The following MYO5A variants were observed in gnomAD, a reference collection of about 807,000 sequenced individuals.
The protein encoded by MYO5A is myosin VA.
MYO5A carries 98 observed loss-of-function variants against 249.7 expected under a neutral mutation model. That is an observed-to-expected ratio of 0.39 (90% CI 0.33 to 0.46). MYO5A has a LOEUF of 0.46. Among genes scored for constraint, MYO5A ranks in the 20% least tolerant of loss-of-function variants. The pLI is 0.98. For missense variants in MYO5A, 1,696 were observed against 2,308.8 expected (o/e 0.73, Z 5.44); for synonymous variants, 778 against 810.6 (o/e 0.96, Z 0.68).
intron 41 of MYO5A, 32 bp from the exon 42 acceptor site, chr15:52,313,880 C>T: frequency 6.2e-7 from 1 of 1,611,810 alleles, no homozygotes; most frequent in Non-Finnish European, 8.5e-7. Context: ...ATAAACAGAG[C>T]ATCAGTTCTT....
chr15:52,318,966 G>C, intron 39 of MYO5A, 94 bp downstream of exon 39: 2 of 1,466,658 alleles, frequency 1.4e-6, no homozygotes, highest in South Asian at 1.2e-5. Flanking sequence ...GACATGAGAT[G>C]CAAGAACTGA....
rs543842886 is a variant in MYO5A at position 52,389,222 on chromosome 15, T to A, written c.1668+16A>T. ...TTAAGTATTCAAAAAGAAAAACTGATATAAAGCTTCCTTACTTTGTCAGCA... is the reference window on the plus strand; with the variant it reads ...TTAAGTATTCAAAAAGAAAAACTGAAATAAAGCTTCCTTACTTTGTCAGCA... On this transcript the variant is annotated intron_variant, in intron 13 of 41. Transcript: ENST00000399233. 1.2e-6 allele frequency: 2 copies of A among 1,610,834 alleles called. No homozygotes were observed. The highest frequency in any genetic ancestry group is 4.5e-5 in the East Asian group (2 of 44,768).
At chr15:52,419,827 A>G (rs561120366) in intron 4 of MYO5A, among the ~76,000 whole-genome samples, 10 of 152,352 alleles carry the variant, frequency 6.6e-5, no homozygotes, top group Admixed American at 3.3e-4. Context: ...ATATTTGTTT[A>G]TAACTTTTAC....
At chr15:52,450,865 T>TTTTTTTTTTG (rs1555454735) in intron 1 of MYO5A, among the ~76,000 whole-genome samples, 1 of 90,918 alleles carries the variant, frequency 1.1e-5, no homozygotes, top group African/African-American at 5.3e-5. Context: ...TTTTTTTTTT[T>TTTTTTTTTTG]GTGACAGGGT....
intron 1 of MYO5A, chr15:52,505,076 C>T (rs1377972893): frequency 3.5e-6 from 2 of 564,234 alleles, no homozygotes; most frequent in East Asian, 6.2e-5. Flanking sequence ...TAAGACAGGC[C>T]CATTTTATTA....
chr15:52,340,767 C>A (rs376906656), intron 31 of MYO5A, among the ~76,000 whole-genome samples: 1 of 151,814 alleles, frequency 6.6e-6, no homozygotes, highest in African/African-American at 2.4e-5. Context: ...GCCAACATAG[C>A]GAAACCCCAT....
Position 52,340,259 on chromosome 15 carries a change from G to C in MYO5A, c.4176C>G (p.Pro1392=). The C allele has an allele frequency of 1.2e-6, 2 of 1,614,038 alleles. No individual in the cohort carries two copies. The highest frequency in any genetic ancestry group is 1.7e-6 in the Non-Finnish European group (2 of 1,180,026). The change falls in exon 32 of 42, where the codon CCC becomes CCG. Residue 1392 remains proline, a synonymous_variant. Transcript: ENST00000399233. ...GGCTGGCCTCAATGCGGGCCTCTGGGGGCAGCTGCAGGTTCTGGGCCAGCA... is the reference window on the plus strand; with the variant it reads ...GGCTGGCCTCAATGCGGGCCTCTGGCGGCAGCTGCAGGTTCTGGGCCAGCA... ...QQLLAQNLQL[P]PEARIEASLQ...
At chr15:52,396,975 C>CT (rs1377741453) in intron 10 of MYO5A, among the ~76,000 whole-genome samples, 1 of 152,196 alleles carries the variant, frequency 6.6e-6, no homozygotes, top group African/African-American at 2.4e-5. Context: ...AGTCTATGCA[C>CT]TAGCTAAGTA....
chr15:52,376,964 C>T (rs2041448449), intron 18 of MYO5A, among the ~76,000 whole-genome samples: 1 of 152,068 alleles, frequency 6.6e-6, no homozygotes, highest in Non-Finnish European at 1.5e-5. Context: ...ACAAAAACAC[C>T]AGTGTGAAGA....
chr15:52,348,002 C>T (rs777665861), intron 29 of MYO5A, among the ~76,000 whole-genome samples: 33 of 152,186 alleles, frequency 2.2e-4, no homozygotes, highest in Non-Finnish European at 4.3e-4. Context: ...TCAGGACTTA[C>T]ATGGTATGGT....
chr15:52,503,297 C>T (rs1450241161), intron 1 of MYO5A, among the ~76,000 whole-genome samples: 2 of 152,084 alleles, frequency 1.3e-5, no homozygotes, highest in Non-Finnish European at 2.9e-5. Flanking sequence ...ACATTACCCG[C>T]AAAATATGTA....
At chr15:52,470,543 G>A (rs1027566952) in intron 1 of MYO5A, among the ~76,000 whole-genome samples, 16 of 152,174 alleles carry the variant, frequency 1.1e-4, no homozygotes, top group South Asian at 8.3e-4. Flanking sequence ...CCAGCTACTC[G>A]GGAGGCTGAG....
At chr15:52,439,054 T>G (rs781617453) in intron 1 of MYO5A, among the ~76,000 whole-genome samples, 7 of 152,370 alleles carry the variant, frequency 4.6e-5, no homozygotes, top group East Asian at 1.9e-4. Flanking sequence ...AGTCAGTCAC[T>G]GGGTTCCACA....
intron 24 of MYO5A, among the ~76,000 whole-genome samples, chr15:52,363,190 A>T (rs1289689676): frequency 2.0e-5 from 3 of 152,232 alleles, no homozygotes; most frequent in Non-Finnish European, 4.4e-5. Context: ...AAACACACCA[A>T]AGAATGGAAC....
At chr15:52,347,278 T>C (rs975575655) in intron 29 of MYO5A, among the ~76,000 whole-genome samples, 4 of 152,124 alleles carry the variant, frequency 2.6e-5, no homozygotes, top group Non-Finnish European at 4.4e-5. Flanking sequence ...GGAACATAGT[T>C]CCACACATGG....
At chr15:52,401,963 T>C (rs954542845) in intron 9 of MYO5A, among the ~76,000 whole-genome samples, 4 of 152,222 alleles carry the variant, frequency 2.6e-5, no homozygotes, top group African/African-American at 9.6e-5. Context: ...TCTTAGCAGG[T>C]ATGACTCTGC....
chr15:52,518,834 T>C (rs926113102), intron 1 of MYO5A, among the ~76,000 whole-genome samples: 3 of 152,130 alleles, frequency 2.0e-5, no homozygotes, highest in Non-Finnish European at 2.9e-5. Context: ...TGCAAACTCA[T>C]AAAAAATGAC....
chr15:52,434,240 C>A (rs1371016273), intron 1 of MYO5A, among the ~76,000 whole-genome samples: 1 of 151,996 alleles, frequency 6.6e-6, no homozygotes, highest in Non-Finnish European at 1.5e-5. Context: ...CCTCGTGACC[C>A]ACCTGCCTCA....
At chr15:52,522,781 G>C (rs1365685561) in intron 1 of MYO5A, among the ~76,000 whole-genome samples, 1 of 151,210 alleles carries the variant, frequency 6.6e-6, no homozygotes, top group African/African-American at 2.4e-5. Context: ...CTCCCCTGAG[G>C]TTACAGTTAA....
Sources: allele counts gnomAD v4.1 joint callset (sites outside exome capture counted in the v4.1 genomes callset), GRCh38; gene constraint gnomAD v4.1.1; transcripts MANE v1.5; gene names NCBI Gene and HGNC (gene_info 2026-07-23, HGNC 2026-07-21).